The following WDR70 variants were observed in gnomAD, a reference collection of about 807,000 sequenced individuals.
WDR70 encodes WD repeat-containing protein 70.
WDR70 carries 53 observed loss-of-function variants against 88.6 expected under a neutral mutation model. That is an observed-to-expected ratio of 0.60 (90% confidence interval 0.48 to 0.75). The LOEUF is 0.75. WDR70 is among the 30% of genes least tolerant of loss of function. The pLI is 0.00. For synonymous variants in WDR70, 280 were observed against 270.0 expected, an observed-to-expected ratio of 1.04 and a Z score of -0.36; for missense variants, 610 against 823.2, an observed-to-expected ratio of 0.74 and a Z score of 3.17.
chr5:37,475,040 TC>T (rs761893759), intron 7 of WDR70, among the ~76,000 whole-genome samples: 2 of 151,696 alleles, frequency 1.3e-5, no homozygotes, highest in Non-Finnish European at 2.9e-5. Context: ...CGCCTGAGCC[TC>T]CCGAGTAGCT....
At chr5:37,430,116 A>C (rs1341854185) in intron 5 of WDR70, among the ~76,000 whole-genome samples, 2 of 152,236 alleles carry the variant, frequency 1.3e-5, no homozygotes, top group East Asian at 3.8e-4. Context: ...AAATGGCGTG[A>C]ACCACTGCAC....
chr5:37,540,342 C>T (rs1033339814), intron 9 of WDR70, among the ~76,000 whole-genome samples: 3 of 152,126 alleles, frequency 2.0e-5, no homozygotes, highest in African/African-American at 7.2e-5. Context: ...TTAGACCTAT[C>T]CTGCTGTTAT....
intron 5 of WDR70, among the ~76,000 whole-genome samples, chr5:37,436,330 A>C (rs1393516764): frequency 6.6e-6 from 1 of 152,148 alleles, no homozygotes; most frequent in Non-Finnish European, 1.5e-5. Flanking sequence ...AGGTGCTATT[A>C]TTCATAGTTT....
At chr5:37,512,148 A>G (rs1350519721) in intron 8 of WDR70, among the ~76,000 whole-genome samples, 1 of 152,132 alleles carries the variant, frequency 6.6e-6, no homozygotes, top group African/African-American at 2.4e-5. Context: ...TTGTGGCTAT[A>G]TAACTCCATT....
At chr5:37,673,593 C>CA (rs1554010664) in intron 10 of WDR70, among the ~76,000 whole-genome samples, 2 of 119,046 alleles carry the variant, frequency 1.7e-5, no homozygotes, top group East Asian at 3.0e-4. Context: ...ACCCCCCCCC[C>CA]ACCCTTTTTT....
chr5:37,623,744 A>G (rs914900762), intron 10 of WDR70, among the ~76,000 whole-genome samples: 3 of 152,236 alleles, frequency 2.0e-5, no homozygotes, highest in South Asian at 4.2e-4. Context: ...CTGAACAATA[A>G]ACTTCATCTC....
At chr5:37,568,153 A>G (rs1742797169) in intron 9 of WDR70, among the ~76,000 whole-genome samples, 1 of 152,002 alleles carries the variant, frequency 6.6e-6, no homozygotes. Context: ...CTACCCACCC[A>G]TCCACCCACC....
chr5:37,602,749 C>T (rs543330925), intron 9 of WDR70, among the ~76,000 whole-genome samples: 95 of 151,980 alleles, frequency 6.3e-4, no homozygotes, highest in Middle Eastern at 6.8e-3. Context: ...GAGGCCGAAG[C>T]GGGTGGATCA....
intron 3 of WDR70, 98 bp downstream of exon 3, chr5:37,381,783 G>A (rs1442326445): frequency 1.5e-5 from 19 of 1,263,610 alleles, no homozygotes; most frequent in Non-Finnish European, 2.0e-5. Flanking sequence ...GCTGGGCGCG[G>A]TGGCTCATGC....
chr5:37,549,602 T>C (rs1306885613), intron 9 of WDR70, among the ~76,000 whole-genome samples: 1 of 152,210 alleles, frequency 6.6e-6, no homozygotes, highest in Non-Finnish European at 1.5e-5. Context: ...ATTTTACTTC[T>C]TTATTTACAA....
rs373965116 is a variant in WDR70, at chr5:37,737,607, C to T, written c.1877+10562C>T. ...CAGGGCTACACCAATGCCAAGCTTTCGTGCATGTTTTTTAATAGAAATTGT... is the reference window on the plus strand; with the variant it reads ...CAGGGCTACACCAATGCCAAGCTTTTGTGCATGTTTTTTAATAGAAATTGT... On this transcript the variant is annotated intron_variant, in intron 17 of 17. Transcript: ENST00000265107. Among the ~76,000 whole-genome samples the T allele has an allele frequency of 3.2e-4, 48 of 152,220 alleles. 2 individuals are homozygous for T. In the South Asian group the frequency reaches 9.1e-3, roughly 29 times the overall value.
At chr5:37,604,431 G>A (rs1410752934) in intron 9 of WDR70, among the ~76,000 whole-genome samples, 1 of 152,038 alleles carries the variant, frequency 6.6e-6, no homozygotes, top group African/African-American at 2.4e-5. Context: ...GGGTCTTGTG[G>A]TGTTTGTTCT....
rs535475817 is a variant in WDR70 at position 37,498,784 on chromosome 5, A to C, written c.841-17730A>C. Among the ~76,000 whole-genome samples, 245 of 152,346 alleles carry C rather than the reference A, an allele frequency of 1.6e-3. 1 individual carries two copies. The highest frequency in any genetic ancestry group is 2.5e-3 in the Non-Finnish European group (173 of 68,038). On this transcript the variant is annotated intron_variant, in intron 8 of 17. Transcript: ENST00000265107. ...AAATATGTCTTACCAACAAAACTTT[A>C]TGAAGAAAGTTGTTACAAACATTTG...
intron 9 of WDR70, among the ~76,000 whole-genome samples, chr5:37,549,893 C>T (rs2112346352): frequency 1.3e-5 from 2 of 151,382 alleles, no homozygotes; most frequent in South Asian, 4.2e-4. Flanking sequence ...GACAGAGCCT[C>T]ACCCTGTCAT....
chr5:37,406,576 C>T (rs903011581), intron 5 of WDR70, among the ~76,000 whole-genome samples: 1 of 152,060 alleles, frequency 6.6e-6, no homozygotes, highest in Non-Finnish European at 1.5e-5. Flanking sequence ...ATAAAATTCT[C>T]CACTCAGATT....
chr5:37,484,911 C>T (rs1739809003), intron 8 of WDR70, among the ~76,000 whole-genome samples: 1 of 152,208 alleles, frequency 6.6e-6, no homozygotes, highest in Non-Finnish European at 1.5e-5. Flanking sequence ...TTGCTTCTAT[C>T]ATGTCCACTA....
At chr5:37,451,166 G>A (rs1263586861) in intron 7 of WDR70, among the ~76,000 whole-genome samples, 2 of 152,134 alleles carry the variant, frequency 1.3e-5, no homozygotes, top group Admixed American at 6.6e-5. Flanking sequence ...CCAAAGTGCT[G>A]GGATTACAGA....
chr5:37,711,763 G>A (rs573079540), intron 13 of WDR70, among the ~76,000 whole-genome samples: 11 of 152,126 alleles, frequency 7.2e-5, no homozygotes, highest in Non-Finnish European at 1.6e-4. Flanking sequence ...GGTGGTAAGG[G>A]CATCATCATA....
At chr5:37,546,586 A>T (rs1414866997) in intron 9 of WDR70, among the ~76,000 whole-genome samples, 1 of 152,180 alleles carries the variant, frequency 6.6e-6, no homozygotes, top group Non-Finnish European at 1.5e-5. Context: ...TCATTAGTAC[A>T]TCTTGAAGTG....
Sources: allele counts gnomAD v4.1 joint callset (sites outside exome capture counted in the v4.1 genomes callset), GRCh38; gene constraint gnomAD v4.1.1; transcripts MANE v1.5; gene names NCBI Gene and HGNC (gene_info 2026-07-23, HGNC 2026-07-21).